The following YIPF7 variants were observed in gnomAD, a reference collection of about 807,000 sequenced individuals.
YIPF7 encodes the protein Yip1 domain family member 7.
A neutral mutation model predicts 27.2 loss-of-function variants in YIPF7; 35 were observed. The ratio of observed to expected loss-of-function variants is 1.29; its 90% CI spans 0.98 to 1.70. The LOEUF (loss-of-function observed/expected upper bound fraction) is 1.70. Ranked by LOEUF, YIPF7 falls within the 40% of genes most tolerant of loss-of-function variation. The pLI, the probability that YIPF7 is intolerant of heterozygous loss-of-function variation, is 0.00. For missense variants in YIPF7, 358 were observed against 303.7 expected, an observed-to-expected ratio of 1.18 and a Z score of -1.33; for synonymous variants, 137 against 110.4, an observed-to-expected ratio of 1.24 and a Z score of -1.51.
chr4:44,648,857 T>C (rs1010934469), intron 2 of YIPF7, among the ~76,000 whole-genome samples: 5 of 152,106 alleles, frequency 3.3e-5, no homozygotes, highest in African/African-American at 7.2e-5. Context: ...AGACAGAAAA[T>C]GCCAAAGCCA....
At chr4:44,627,725 A>C (rs77416542) in intron 4 of YIPF7, among the ~76,000 whole-genome samples, 9,003 of 152,256 alleles carry the variant, frequency 0.059, 311 homozygotes, top group East Asian at 0.15. Flanking sequence ...TTTAGAATTA[A>C]ATAGAACCTG....
intron 2 of YIPF7, among the ~76,000 whole-genome samples, chr4:44,640,861 C>T (rs546150060): frequency 6.6e-5 from 10 of 152,104 alleles, no homozygotes; most frequent in African/African-American, 2.4e-4. Context: ...CTAAGTTTCC[C>T]TAATGCCTAG....
intron 1 of YIPF7, among the ~76,000 whole-genome samples, chr4:44,661,062 A>G (rs1019614657): frequency 2.0e-5 from 3 of 152,194 alleles, no homozygotes; most frequent in Non-Finnish European, 4.4e-5. Context: ...TCTAAGTGGA[A>G]TTTAGAGGAA....
At chr4:44,627,821 G>A (rs1004683718) in intron 4 of YIPF7, among the ~76,000 whole-genome samples, 4 of 152,298 alleles carry the variant, frequency 2.6e-5, no homozygotes, top group East Asian at 1.9e-4. Context: ...ATTACAGCAA[G>A]TGGCAAAGCT....
chr4:44,652,868 A>T (rs1713777851), upstream of YIPF7, among the ~76,000 whole-genome samples: 1 of 152,186 alleles, frequency 6.6e-6, no homozygotes, highest in Admixed American at 6.6e-5. Flanking sequence ...TGGAGATTGA[A>T]TAATTTTCCC....
At chr4:44,639,725 G>A (rs1175451174) in intron 2 of YIPF7, among the ~76,000 whole-genome samples, 1 of 151,982 alleles carries the variant, frequency 6.6e-6, no homozygotes, top group Non-Finnish European at 1.5e-5. Context: ...CCACTACTAT[G>A]TTGAACAGGA....
At chr4:44,660,113 CAAAAA>C (rs11461675) in intron 2 of YIPF7, among the ~76,000 whole-genome samples, 2 of 25,514 alleles carry the variant, frequency 7.8e-5, no homozygotes, top group South Asian at 2.6e-3. Flanking sequence ...GACTCTGTCT[CAAAAA>C]AAAAAAAAAA....
At chr4:44,641,063 C>G (rs1265541176) in intron 2 of YIPF7, among the ~76,000 whole-genome samples, 2 of 152,002 alleles carry the variant, frequency 1.3e-5, no homozygotes, top group Non-Finnish European at 2.9e-5. Flanking sequence ...AGGTGCTCTC[C>G]CATAACCTGA....
chr4:44,627,563 T>G (rs954207765), intron 4 of YIPF7, among the ~76,000 whole-genome samples: 3 of 152,194 alleles, frequency 2.0e-5, no homozygotes, highest in African/African-American at 7.2e-5. Flanking sequence ...AAATCATACT[T>G]CAAGTAATAT....
chr4:44,650,138 G>T, intron 1 of YIPF7, 37 bp from the exon 2 acceptor site: 1 of 1,240,584 alleles, frequency 8.1e-7, no homozygotes, highest in Non-Finnish European at 1.2e-6. Context: ...AAGTTCATGA[G>T]TCAATAAAAC....
upstream of YIPF7, among the ~76,000 whole-genome samples, chr4:44,652,402 G>C (rs1560330668): frequency 6.6e-6 from 1 of 152,170 alleles, no homozygotes; most frequent in African/African-American, 2.4e-5. Flanking sequence ...CCTGTGGTTT[G>C]CTTCATGCTG....
At chr4:44,650,503 GCGCGCACA>G in intron 1 of YIPF7, among the ~76,000 whole-genome samples, 1 of 71,106 alleles carries the variant, frequency 1.4e-5, no homozygotes, top group East Asian at 3.3e-4. Context: ...ATGCGCGCGC[GCGCGCACA>G]CACACACACA....
chr4:44,622,300 T>C lies in YIPF7; in HGVS notation c.*114A>G. 9.3e-6 allele frequency: 12 copies of C among 1,296,982 alleles called. No homozygotes were observed. The highest frequency in any genetic ancestry group is 2.5e-5 in the Admixed American group (1 of 39,656). 80.3% of individuals were successfully genotyped at this position (1,296,982 alleles called of 1,614,324 possible). A position where few individuals can be genotyped will look rare whatever the true frequency, so the allele number is the denominator to read the frequency against. On this transcript the variant is annotated 3_prime_UTR_variant, in exon 6 of 6. Transcript: ENST00000415895. ...AAGTGCTGCTTTGTCTCTCTGCTTA[T>C]TACTCTCTCAAAAGCAATAAAACAG...
rs373912262 is a variant in YIPF7 at position 44,629,397 on chromosome 4, C to T, written c.426+6G>A. ...TTAAAATCTGGTGCTTCCTGTGACACATTACCAGAAGCAAGGTGGCTCCCA... is the reference window on the plus strand; with the variant it reads ...TTAAAATCTGGTGCTTCCTGTGACATATTACCAGAAGCAAGGTGGCTCCCA... On this transcript the variant is annotated splice_donor_region_variant and intron_variant, in intron 4 of 5. Transcript: ENST00000415895. 92 of 1,584,598 alleles carry T rather than the reference C, an allele frequency of 5.8e-5. No homozygotes were observed. In the African/African-American group the frequency reaches 1.1e-3, roughly 19 times the overall value.
chr4:44,634,096 G>A (rs1441815042), intron 3 of YIPF7, among the ~76,000 whole-genome samples: 1 of 152,100 alleles, frequency 6.6e-6, no homozygotes, highest in Non-Finnish European at 1.5e-5. Flanking sequence ...TTCCTATGAT[G>A]GTCAACAAAG....
intron 4 of YIPF7, 68 bp downstream of exon 4, chr4:44,629,335 C>T: frequency 7.1e-7 from 1 of 1,404,116 alleles, no homozygotes; most frequent in South Asian, 1.9e-5. Flanking sequence ...TATATTTATA[C>T]AGATTGCTTC....
chr4:44,637,577 C>T (rs1195801387), intron 2 of YIPF7, among the ~76,000 whole-genome samples: 1 of 152,092 alleles, frequency 6.6e-6, no homozygotes, highest in East Asian at 1.9e-4. Flanking sequence ...TTCTTGCCCA[C>T]TTTTTTCTTT....
chr4:44,647,564 C>T (rs973329003), intron 2 of YIPF7, among the ~76,000 whole-genome samples: 23 of 152,182 alleles, frequency 1.5e-4, no homozygotes, highest in African/African-American at 5.5e-4. Flanking sequence ...CAAACTACTC[C>T]CTGTGCCTCA....
intron 5 of YIPF7, among the ~76,000 whole-genome samples, chr4:44,624,060 CTT>C (rs1170920998): frequency 1.7e-4 from 23 of 137,096 alleles, no homozygotes; most frequent in African/African-American, 3.6e-4. Context: ...TTCTCTCTCT[CTT>C]TTTTTTTTTT....
Sources: gnomAD v4.1 joint callset for allele counts (sites outside exome capture counted in the v4.1 genomes callset) on GRCh38, gnomAD v4.1.1 for gene constraint, MANE v1.5 for transcripts, NCBI Gene and HGNC (gene_info 2026-07-23, HGNC 2026-07-21) for gene names.